Variants in PLXNA4 observed in about 807,000 individuals in gnomAD.
The protein encoded by PLXNA4 is plexin A4.
PLXNA4 carries 44 observed loss-of-function variants against 191.8 expected under a neutral mutation model. The observed-to-expected ratio is 0.23, with a 90% CI of 0.18 to 0.29. The LOEUF is 0.29. Among genes scored for constraint, PLXNA4 ranks in the 10% least tolerant of loss-of-function variants. PLXNA4 has a pLI of 1.00. For synonymous variants in PLXNA4, 1,082 were observed against 1,009.5 expected, an observed-to-expected ratio of 1.07 and a Z score of -1.36; for missense variants, 1,800 against 2,488.8, an observed-to-expected ratio of 0.72 and a Z score of 5.89.
In PLXNA4 at chr7:132,508,737, C is replaced by A; in HGVS notation, c.-44G>T. The stretch of plus-strand genomic sequence containing the variant: ...TGGCACAGCAGCACTCAGGCACAGT[C>A]GTCCCCTCAGAGGGCCAGGACTCAG... On this transcript the variant is annotated 5_prime_UTR_variant, in exon 2 of 32. Coordinates refer to ENST00000321063, the MANE Select transcript of PLXNA4 (RefSeq NM_020911.2). This position sits in a 1 kb window ranked among gnomAD's most constrained non-coding sequence, Gnocchi z 4.4. 3 of 1,464,554 alleles carry A rather than the reference C, an allele frequency of 2.0e-6. No individual in the cohort carries two copies. The South Asian group carries it at 4.2e-5, about 21-fold the overall frequency. 90.7% of individuals were successfully genotyped at this position (1,464,554 alleles called of 1,614,324 possible). A position where few individuals can be genotyped will look rare whatever the true frequency, so the allele number is the denominator to read the frequency against.
At chr7:132,470,957 G>A (rs1223526219) in intron 3 of PLXNA4, among the ~76,000 whole-genome samples, 2 of 152,210 alleles carry the variant, frequency 1.3e-5, no homozygotes, top group East Asian at 1.9e-4. Context: ...GCTTGGATAT[G>A]AGTCCCCGCC....
Position 132,610,965 on chromosome 7 carries a change from G to A in PLXNA4, c.-87+34963C>T, listed in dbSNP as rs75065240. 6.5e-3 allele frequency among the ~76,000 whole-genome samples: 983 copies of A among 152,304 alleles called. 17 individuals are homozygous for A. Among genetic ancestry groups the A allele is most frequent in the African/African-American group, 0.022 (900 of 41,562 alleles). On this transcript the variant is annotated intron_variant, in intron 2 of 4. Transcript: ENST00000378539. The stretch of plus-strand genomic sequence containing the variant: ...CCCCACAAGGAAGGGAAGCTTCTCT[G>A]TGTGCCCAGGCACCCCCATATCTCT...
intron 5 of PLXNA4, among the ~76,000 whole-genome samples, chr7:132,237,327 A>G (rs1448036190): frequency 6.6e-6 from 1 of 152,122 alleles, no homozygotes; most frequent in Admixed American, 6.5e-5. Flanking sequence ...CCACTCAGAG[A>G]TGGGGAGGGT....
Position 132,168,333 on chromosome 7 carries a change from G to A in PLXNA4, c.4257C>T (p.Ser1419=). Residue 1419 remains serine (S), a synonymous_variant, in exon 22 of 32, where the codon AGC becomes AGT. Transcript: ENST00000321063. The part of the protein sequence containing the change: ...LADLIDKNLE[S]KNHPKLLLRR... ...TGAGCAGCAGCTTAGGGTGGTTCTT[G>A]CTCTCCAGGTTCTTGTCAATGAGGT... 3 of 1,588,196 alleles carry A rather than the reference G, an allele frequency of 1.9e-6. No individual in the cohort carries two copies. Among genetic ancestry groups the A allele is most frequent in the Non-Finnish European group, 2.6e-6 (3 of 1,164,588 alleles).
In PLXNA4 at chr7:132,298,175, C is replaced by A. The variant is rs757154135; in HGVS notation, c.1419G>T (p.Val473=). The A allele has an allele frequency of 1.9e-6, 3 of 1,614,086 alleles. No individual in the cohort carries two copies. Among genetic ancestry groups the A allele is most frequent in the Non-Finnish European group, 2.5e-6 (3 of 1,180,046 alleles). The change falls in exon 4 of 32, where the codon GTG becomes GTT. Residue 473 remains valine, a synonymous_variant. Transcript: ENST00000321063. ...PRGNALQYET[V]QVVDPGPVLR... ...GGACTGGGCCGGGGTCCACCACCTG[C>A]ACCGTCTCATACTGGAGGGCGTTGC...
intron 3 of PLXNA4, among the ~76,000 whole-genome samples, chr7:132,355,743 A>G (rs10282367): frequency 0.51 from 77,211 of 151,672 alleles, 21,534 homozygotes; most frequent in African/African-American, 0.75. Context: ...GGTAGAGGGC[A>G]AGGGGGAAGG....
At chr7:132,207,591 C>T (rs1276351177) in intron 10 of PLXNA4, among the ~76,000 whole-genome samples, 3 of 152,230 alleles carry the variant, frequency 2.0e-5, no homozygotes, top group Middle Eastern at 3.2e-3. Context: ...GGCCTGTCCC[C>T]GCATAATGGG....
intron 3 of PLXNA4, among the ~76,000 whole-genome samples, chr7:132,356,160 TG>T (rs1319450053): frequency 1.3e-5 from 2 of 152,188 alleles, no homozygotes; most frequent in African/African-American, 4.8e-5. Context: ...AAGCTCTACC[TG>T]GCAGATCGGT....
chr7:132,195,079 T>C (rs1239917879), intron 13 of PLXNA4, among the ~76,000 whole-genome samples: 2 of 152,206 alleles, frequency 1.3e-5, no homozygotes, highest in South Asian at 2.1e-4. Context: ...CATATGTATA[T>C]TTATATTTGT....
chr7:132,382,665 ATTG>A (rs1422203122), intron 3 of PLXNA4, among the ~76,000 whole-genome samples: 1 of 152,202 alleles, frequency 6.6e-6, no homozygotes, highest in Non-Finnish European at 1.5e-5. Context: ...GTCTGCAATA[ATTG>A]TTATCGCTAT....
chr7:132,385,199 A>G (rs748434518), intron 3 of PLXNA4: 1 of 1,614,030 alleles, frequency 6.2e-7, no homozygotes, highest in South Asian at 1.1e-5. Flanking sequence ...CAGTTTGATG[A>G]ACAGCTGGAG....
chr7:132,459,069 G>T (rs115225766), intron 3 of PLXNA4, among the ~76,000 whole-genome samples: 1 of 152,102 alleles, frequency 6.6e-6, no homozygotes, highest in Non-Finnish European at 1.5e-5. Flanking sequence ...ACACATCTAC[G>T]TAGACCTAGG....
At chr7:132,259,514 G>T (rs10954368) in intron 4 of PLXNA4, among the ~76,000 whole-genome samples, 76,120 of 136,698 alleles carry the variant, frequency 0.56, 22,628 homozygotes, top group East Asian at 0.71. Context: ...ACCAGCCCAT[G>T]GTATTCCCTT....
At chr7:132,365,037 G>A (rs1394732941) in intron 3 of PLXNA4, among the ~76,000 whole-genome samples, 1 of 152,162 alleles carries the variant, frequency 6.6e-6, no homozygotes, top group Non-Finnish European at 1.5e-5. Context: ...CTCCCTGACA[G>A]ACGTCCATCC....
chr7:132,553,435 A>T (rs1800654101), intron 1 of PLXNA4, among the ~76,000 whole-genome samples: 1 of 152,094 alleles, frequency 6.6e-6, no homozygotes, highest in South Asian at 2.1e-4. Context: ...CCAGGGGGAG[A>T]GCTTCCTGAC....
intron 3 of PLXNA4, among the ~76,000 whole-genome samples, chr7:132,474,536 G>A (rs1797053525): frequency 6.6e-6 from 1 of 152,058 alleles, no homozygotes; most frequent in Non-Finnish European, 1.5e-5. Flanking sequence ...GACTCAGTGA[G>A]TAGCCAAGGG....
chr7:132,398,731 G>A (rs1793860298), intron 3 of PLXNA4, among the ~76,000 whole-genome samples: 1 of 152,266 alleles, frequency 6.6e-6, no homozygotes, highest in Non-Finnish European at 1.5e-5. Context: ...ATGAGCATCA[G>A]CTGCCGGCAG....
intron 1 of PLXNA4, among the ~76,000 whole-genome samples, chr7:132,524,050 C>A (rs1483663305): frequency 3.3e-5 from 5 of 152,116 alleles, no homozygotes; most frequent in African/African-American, 9.7e-5. Context: ...TAGGAGGATG[C>A]TAATGTCATC....
chr7:132,620,362 T>A (rs1803237859), intron 2 of PLXNA4, among the ~76,000 whole-genome samples: 1 of 152,252 alleles, frequency 6.6e-6, no homozygotes, highest in Admixed American at 6.5e-5. Context: ...CAAAACATGA[T>A]AAATGCCATT....
Sources: gnomAD v4.1 joint callset for allele counts (sites outside exome capture counted in the v4.1 genomes callset) on GRCh38, gnomAD v4.1.1 for gene constraint, Gnocchi (gnomAD v3.1) non-coding constraint, MANE v1.5 for transcripts, NCBI Gene and HGNC (gene_info 2026-07-23, HGNC 2026-07-21) for gene names.